CAPS2: variants seen among roughly 807,000 people sequenced by gnomAD.
CAPS2 encodes calcyphosine 2, also known as calcyphosin-2.
In CAPS2, 98 loss-of-function variants were observed where a neutral mutation model predicts 86.5. The observed-to-expected ratio is 1.13, with a 90% CI of 0.96 to 1.34. The LOEUF is 1.34. CAPS2 is among the 40% of genes most tolerant of loss of function. The pLI, the probability that CAPS2 is intolerant of heterozygous loss-of-function variation, is 0.00. For synonymous variants in CAPS2, 210 were observed against 225.1 expected (o/e 0.93, Z 0.60); for missense variants, 729 against 686.8 (o/e 1.06, Z -0.69).
intron 16 of CAPS2, among the ~76,000 whole-genome samples, chr12:75,281,407 A>G (rs114825756): frequency 2.1e-3 from 320 of 152,132 alleles, no homozygotes; most frequent in African/African-American, 7.0e-3. Context: ...ATATTGATTC[A>G]TAAAAAGAAT....
chr12:75,371,461 C>T, intron 1 of CAPS2: 1 of 357,234 alleles, frequency 2.8e-6, no homozygotes, highest in Non-Finnish European at 5.8e-6. Context: ...CACAGACACA[C>T]CCAGGAACAA....
upstream of CAPS2, among the ~76,000 whole-genome samples, chr12:75,331,806 G>GC (rs1385892469): frequency 6.6e-6 from 1 of 151,846 alleles, no homozygotes; most frequent in Non-Finnish European, 1.5e-5. Context: ...CTCGTGATCC[G>GC]CCCCCCTCGG....
intron 1 of CAPS2, among the ~76,000 whole-genome samples, chr12:75,346,908 A>C (rs926747250): frequency 1.3e-5 from 2 of 152,160 alleles, no homozygotes; most frequent in African/African-American, 4.8e-5. Flanking sequence ...CAAATGGAGT[A>C]AACCAGTATT....
At chr12:75,387,571 A>G (rs2045355929) in intron 1 of CAPS2, among the ~76,000 whole-genome samples, 1 of 152,152 alleles carries the variant, frequency 6.6e-6, no homozygotes, top group Admixed American at 6.5e-5. Context: ...AATACCTGAA[A>G]CTGAGTAAGT....
At chr12:75,279,389 G>A (rs933124888) in intron 16 of CAPS2, among the ~76,000 whole-genome samples, 2 of 151,884 alleles carry the variant, frequency 1.3e-5, no homozygotes, top group Admixed American at 6.6e-5. Context: ...AGATAACACT[G>A]AAAAGAGAAT....
At chr12:75,293,296 A>C (rs2036323414) in exon 12 of CAPS2, 2 of 1,612,378 alleles carry the variant, frequency 1.2e-6, no homozygotes, top group Admixed American at 1.7e-5. Flanking sequence ...TTCGGAGTTT[A>C]AGTAATGTGT....
rs1353001565 is a variant in CAPS2, at chr12:75,285,005, TAC to T, written c.1469_1470del (p.Gly490AspfsTer4). On this transcript the variant is annotated frameshift_variant, in exon 15 of 17. Coordinates refer to ENST00000393284, the Ensembl canonical transcript of CAPS2. LOFTEE classifies it high-confidence loss of function. The stretch of plus-strand genomic sequence containing the variant: ...CTGTATTCATTCATTTCACCAATAA[TAC>T]CACGTTTGAATTCTCCATAATCAAC... The T allele has an allele frequency of 6.2e-7, 1 of 1,609,860 alleles. No homozygotes were observed. Among genetic ancestry groups the T allele is most frequent in the Non-Finnish European group, 8.5e-7 (1 of 1,177,850 alleles).
At chr12:75,276,072 T>C (rs755490966), downstream of CAPS2, 231 of 804,798 alleles carry the variant, frequency 2.9e-4, no homozygotes, top group Non-Finnish European at 3.8e-4. Flanking sequence ...TGGAACGATA[T>C]GTATGACAAG....
At chr12:75,279,433 G>A (rs941908560) in intron 16 of CAPS2, among the ~76,000 whole-genome samples, 2 of 151,912 alleles carry the variant, frequency 1.3e-5, no homozygotes, top group South Asian at 4.1e-4. Flanking sequence ...TAGAAAAAGG[G>A]TCAAAAATTT....
chr12:75,369,397 A>T, intron 1 of CAPS2: 1 of 413,150 alleles, frequency 2.4e-6, no homozygotes, highest in Non-Finnish European at 3.3e-6. Context: ...TTTTGCTGGT[A>T]ACCATTATAT....
intron 2 of CAPS2, among the ~76,000 whole-genome samples, chr12:75,324,459 T>G (rs2040584058): frequency 1.3e-5 from 2 of 152,174 alleles, no homozygotes; most frequent in Non-Finnish European, 2.9e-5. Context: ...AAACTTATAA[T>G]ACACCTTCAG....
chr12:75,302,132 G>T (rs1373505037), intron 8 of CAPS2, among the ~76,000 whole-genome samples: 1 of 152,242 alleles, frequency 6.6e-6, no homozygotes, highest in South Asian at 2.1e-4. Context: ...GCCAATTCCT[G>T]CCTCTAAATT....
intron 1 of CAPS2, among the ~76,000 whole-genome samples, chr12:75,351,369 C>T (rs1024017813): frequency 2.0e-5 from 3 of 152,098 alleles, no homozygotes; most frequent in Admixed American, 1.3e-4. Context: ...AGATCAACCC[C>T]AAGACACATA....
intron 9 of CAPS2, 79 bp downstream of exon 9, chr12:75,299,758 C>T: frequency 3.0e-6 from 2 of 664,460 alleles, no homozygotes; most frequent in Non-Finnish European, 2.6e-6. Flanking sequence ...TATATAATCT[C>T]ATTACTGTCA....
chr12:75,327,636 A>G (rs563450532), upstream of CAPS2, among the ~76,000 whole-genome samples: 1 of 151,804 alleles, frequency 6.6e-6, no homozygotes, highest in Non-Finnish European at 1.5e-5. Context: ...ATACATTGTA[A>G]TCCTGATTTT....
upstream of CAPS2, chr12:75,334,637 G>A: frequency 1.3e-6 from 2 of 1,539,030 alleles, no homozygotes; most frequent in Admixed American, 2.0e-5. Context: ...AGCCAAGGGA[G>A]AGCGTGGTGC....
At chr12:75,377,437 GC>G (rs2044707460) in intron 1 of CAPS2, among the ~76,000 whole-genome samples, 1 of 152,154 alleles carries the variant, frequency 6.6e-6, no homozygotes, top group Non-Finnish European at 1.5e-5. Flanking sequence ...CAGTGGCTCA[GC>G]CCAAGTCCCA....
At chr12:75,300,504 C>G (rs967151293) in intron 8 of CAPS2, among the ~76,000 whole-genome samples, 1 of 131,422 alleles carries the variant, frequency 7.6e-6, no homozygotes. Context: ...TGCAGTGAGC[C>G]GAGATCGCGC....
intron 7 of CAPS2, chr12:75,306,379 G>C: frequency 2.5e-6 from 1 of 406,636 alleles, no homozygotes. Flanking sequence ...CTGGAGGCCG[G>C]TGAATGGTTT....
Sources: allele counts gnomAD v4.1 joint callset (sites outside exome capture counted in the v4.1 genomes callset), GRCh38; gene constraint gnomAD v4.1.1; transcripts MANE v1.5; gene names NCBI Gene and HGNC (gene_info 2026-07-23, HGNC 2026-07-21).